ZRANB3: variants seen among roughly 807,000 people sequenced by gnomAD.
ZRANB3 encodes zinc finger RANBP2-type containing 3, also known as DNA annealing helicase and endonuclease ZRANB3.
ZRANB3 carries 125 observed loss-of-function variants against 133.8 expected under a neutral mutation model. That is an observed-to-expected ratio of 0.93 (90% CI 0.81 to 1.08). ZRANB3 has a LOEUF of 1.08. ZRANB3 is among the 50% of genes least tolerant of loss of function. The pLI, the probability that ZRANB3 is intolerant of heterozygous loss-of-function variation, is 0.00. For missense variants in ZRANB3, 1,229 were observed against 1,275.5 expected, an observed-to-expected ratio of 0.96 and a Z score of 0.56; for synonymous variants, 387 against 432.7, an observed-to-expected ratio of 0.89 and a Z score of 1.31.
intron 6 of ZRANB3, among the ~76,000 whole-genome samples, chr2:135,325,568 T>C (rs994611684): frequency 5.3e-5 from 8 of 152,172 alleles, no homozygotes; most frequent in Admixed American, 3.9e-4. Flanking sequence ...ATTTTGTTTT[T>C]GTATTTTTAG....
intron 3 of ZRANB3, among the ~76,000 whole-genome samples, chr2:135,363,570 T>C (rs567962204): frequency 1.3e-5 from 2 of 152,276 alleles, no homozygotes; most frequent in Middle Eastern, 3.4e-3. Flanking sequence ...CATTGTAGTA[T>C]AGGAGCCTCA....
intron 3 of ZRANB3, among the ~76,000 whole-genome samples, chr2:135,372,283 C>G (rs1054833367): frequency 6.6e-6 from 1 of 152,092 alleles, no homozygotes; most frequent in African/African-American, 2.4e-5. Context: ...ATACTGAATC[C>G]GTTGGCGCCT....
intron 6 of ZRANB3, among the ~76,000 whole-genome samples, chr2:135,343,288 T>C (rs1206353358): frequency 6.7e-6 from 1 of 149,712 alleles, no homozygotes; most frequent in Non-Finnish European, 1.5e-5. Flanking sequence ...ATTATTAATA[T>C]GGTGAATTAT....
intron 8 of ZRANB3, among the ~76,000 whole-genome samples, chr2:135,307,161 G>A (rs1246117893): frequency 6.6e-6 from 1 of 152,092 alleles, no homozygotes; most frequent in Non-Finnish European, 1.5e-5. Context: ...CTGCCTCCTG[G>A]GCTCAAGTGA....
intron 1 of ZRANB3, among the ~76,000 whole-genome samples, chr2:135,528,245 C>A (rs571016893): frequency 3.8e-4 from 57 of 151,910 alleles, no homozygotes; most frequent in Admixed American, 1.4e-3. Flanking sequence ...ACCTCCTGGG[C>A]CCCAGCGATT....
intron 1 of ZRANB3, among the ~76,000 whole-genome samples, chr2:135,513,815 A>AG (rs1693582028): frequency 6.6e-6 from 1 of 152,198 alleles, no homozygotes; most frequent in African/African-American, 2.4e-5. Flanking sequence ...GGTGTAAGGA[A>AG]GGGGTCCTGT....
At chr2:135,236,127 A>C (rs1199975567) in intron 12 of ZRANB3, among the ~76,000 whole-genome samples, 1 of 152,218 alleles carries the variant, frequency 6.6e-6, no homozygotes, top group Non-Finnish European at 1.5e-5. Context: ...AATCACAAGC[A>C]TTCTTATACA....
chr2:135,286,196 A>G (rs940501911), intron 8 of ZRANB3, among the ~76,000 whole-genome samples: 3 of 152,090 alleles, frequency 2.0e-5, no homozygotes, highest in Admixed American at 1.3e-4. Flanking sequence ...ACTGCATCCA[A>G]TGTGTAGTCT....
intron 12 of ZRANB3, among the ~76,000 whole-genome samples, chr2:135,244,598 C>T (rs948601905): frequency 6.6e-6 from 1 of 151,196 alleles, no homozygotes; most frequent in African/African-American, 2.4e-5. Flanking sequence ...ACAGAGCATA[C>T]TCCATCTCAA....
intron 3 of ZRANB3, among the ~76,000 whole-genome samples, chr2:135,389,698 C>T (rs1028541963): frequency 3.3e-5 from 5 of 152,002 alleles, no homozygotes; most frequent in Non-Finnish European, 5.9e-5. Flanking sequence ...GAGCCAGATT[C>T]CGTCTCAAAA....
At chr2:135,487,318 T>C (rs1692167382) in intron 2 of ZRANB3, among the ~76,000 whole-genome samples, 1 of 152,230 alleles carries the variant, frequency 6.6e-6, no homozygotes, top group Non-Finnish European at 1.5e-5. Context: ...AGAGTAGATT[T>C]AGGATAAATC....
intron 6 of ZRANB3, chr2:135,345,131 T>C (rs1684857040): frequency 6.6e-6 from 1 of 152,368 alleles, no homozygotes; most frequent in Non-Finnish European, 1.5e-5. Flanking sequence ...TTTGCCATTA[T>C]CTATTACTTT....
chr2:135,365,485 A>G (rs1685890665), intron 3 of ZRANB3, among the ~76,000 whole-genome samples: 1 of 152,232 alleles, frequency 6.6e-6, no homozygotes, highest in Non-Finnish European at 1.5e-5. Context: ...TTGGAAGAAC[A>G]ATAACTTGCA....
intron 2 of ZRANB3, among the ~76,000 whole-genome samples, chr2:135,473,593 C>A (rs1016218004): frequency 6.6e-6 from 1 of 151,586 alleles, no homozygotes; most frequent in Admixed American, 6.6e-5. Flanking sequence ...AATACACATT[C>A]GATTTTAAAA....
At chr2:135,359,187 C>T (rs569058808) in intron 3 of ZRANB3, among the ~76,000 whole-genome samples, 110 of 152,178 alleles carry the variant, frequency 7.2e-4, no homozygotes, top group African/African-American at 2.6e-3. Flanking sequence ...TTTCAATATA[C>T]GTTAATAAAC....
intron 1 of ZRANB3, among the ~76,000 whole-genome samples, chr2:135,515,786 G>A (rs189685316): frequency 1.3e-5 from 2 of 152,260 alleles, no homozygotes; most frequent in East Asian, 1.9e-4. Context: ...TTCTATAGAC[G>A]TCTATTAGGT....
intron 17 of ZRANB3, among the ~76,000 whole-genome samples, chr2:135,211,639 A>C (rs1003812891): frequency 2.0e-5 from 3 of 152,120 alleles, no homozygotes; most frequent in Non-Finnish European, 4.4e-5. Context: ...CATATACACT[A>C]ATCTTCACCT....
At chr2:135,451,691 A>G (rs1690279326) in intron 2 of ZRANB3, among the ~76,000 whole-genome samples, 1 of 152,224 alleles carries the variant, frequency 6.6e-6, no homozygotes, top group Non-Finnish European at 1.5e-5. Flanking sequence ...GAAACTGACC[A>G]ACAATGAGGA....
At chr2:135,470,242 T>C (rs964992552) in intron 2 of ZRANB3, among the ~76,000 whole-genome samples, 2 of 151,590 alleles carry the variant, frequency 1.3e-5, no homozygotes, top group Non-Finnish European at 2.9e-5. Context: ...GGAGAATCGG[T>C]TGAACCCAGG....
Sources: allele counts gnomAD v4.1 joint callset (sites outside exome capture counted in the v4.1 genomes callset), GRCh38; gene constraint gnomAD v4.1.1; transcripts MANE v1.5; gene names NCBI Gene and HGNC (gene_info 2026-07-23, HGNC 2026-07-21).